The following HAUS1 variants were observed in gnomAD, a reference collection of about 807,000 sequenced individuals.
HAUS1 encodes the protein HAUS augmin like complex subunit 1, also known as HAUS augmin-like complex subunit 1.
HAUS1 carries 25 observed loss-of-function variants against 38.6 expected under a neutral mutation model. That is an observed-to-expected ratio of 0.65 (90% CI 0.47 to 0.91). The LOEUF (loss-of-function observed/expected upper bound fraction) is 0.91, where lower values mean the gene tolerates loss of function less well. Among genes scored for constraint, HAUS1 ranks in the 40% least tolerant of loss-of-function variants. The pLI, the probability that HAUS1 is intolerant of heterozygous loss-of-function variation, is 0.00. For missense variants in HAUS1, 325 were observed against 328.4 expected, an observed-to-expected ratio of 0.99 and a Z score of 0.08; for synonymous variants, 109 against 112.9, an observed-to-expected ratio of 0.97 and a Z score of 0.22.
chr18:46,120,276 C>A (rs1468196346), intron 4 of HAUS1, among the ~76,000 whole-genome samples: 1 of 151,834 alleles, frequency 6.6e-6, no homozygotes, highest in Non-Finnish European at 1.5e-5. Flanking sequence ...ACTCTGTCAC[C>A]CAGGCTGGAG....
intron 2 of HAUS1, among the ~76,000 whole-genome samples, chr18:46,112,939 AAT>A (rs1225989908): frequency 3.8e-5 from 4 of 104,712 alleles, no homozygotes; most frequent in East Asian, 2.3e-4. Flanking sequence ...TATTCCATAT[AAT>A]ATATATAATA....
chr18:46,127,683 G>A (rs1912146294), intron 8 of HAUS1, among the ~76,000 whole-genome samples: 1 of 150,132 alleles, frequency 6.7e-6, no homozygotes, highest in South Asian at 2.1e-4. Flanking sequence ...ACTCCAGCCT[G>A]GGCGACAGAG....
intron 4 of HAUS1, among the ~76,000 whole-genome samples, chr18:46,121,924 C>T (rs1408167921): frequency 1.3e-5 from 2 of 152,156 alleles, no homozygotes; most frequent in Non-Finnish European, 2.9e-5. Flanking sequence ...TCATTGCAAC[C>T]TCTGCCTCCC....
chr18:46,122,507 G>A lies in HAUS1; in HGVS notation c.517G>A (p.Ala173Thr). 6.2e-7 allele frequency: 1 copy of A among 1,613,954 alleles called. No homozygotes were observed. The highest frequency in any genetic ancestry group is 1.1e-5 in the South Asian group (1 of 91,080). ...AGAGTTGCATCTGTCTACAGAAAGG[G>A]CCAAAGTTGATAATCGTCGTCAGAA... is the stretch of plus-strand genomic sequence containing the variant. Reference protein sequence around the residue: ...KAELHLSTERAKVDNRRQNMD... With the variant: ...KAELHLSTERTKVDNRRQNMD... Residue 173 changes from alanine (A) to threonine (T), a missense_variant, in exon 5 of 9, where the codon GCC becomes ACC. Physicochemically the swap from Ala to Thr is moderately conservative, Grantham distance 58 (BLOSUM62 0). Coordinates refer to ENST00000282058, the MANE Select transcript of HAUS1 (RefSeq NM_138443.4).
chr18:46,124,954 A>C, intron 7 of HAUS1, 61 bp downstream of exon 7: 1 of 939,728 alleles, frequency 1.1e-6, no homozygotes, highest in Non-Finnish European at 1.7e-6. Flanking sequence ...AGGGTACTAT[A>C]TGACCATGAA....
At chr18:46,118,148 A>T in intron 2 of HAUS1, 33 bp from the exon 3 acceptor site, 1 of 1,606,294 alleles carries the variant, frequency 6.2e-7, no homozygotes. Context: ...TAAAAAAGCA[A>T]ACAGTCACTA....
chr18:46,107,029 T>A (rs1033229811), intron 2 of HAUS1, among the ~76,000 whole-genome samples: 2 of 151,836 alleles, frequency 1.3e-5, no homozygotes, highest in Non-Finnish European at 2.9e-5. Flanking sequence ...AAAAAAAAAT[T>A]AATTAATTAA....
At chr18:46,118,562 GTTAGTATCACA>G in intron 3 of HAUS1, 1 of 433,642 alleles carries the variant, frequency 2.3e-6, no homozygotes, top group Non-Finnish European at 4.2e-6. Context: ...TTGGAAAGGG[GTTAGTATCACA>G]TTGTTCCCTG....
In HAUS1 at chr18:46,122,523, G is replaced by A. The variant is rs570163326; in HGVS notation, c.533G>A (p.Arg178His). Residue 178 changes from arginine to histidine, a missense_variant, in exon 5 of 9, where the codon CGT becomes CAT. By Grantham distance (29) the Arg-to-His change is conservative. Coordinates refer to ENST00000282058, the MANE Select transcript of HAUS1 (RefSeq NM_138443.4). ...ACAGAAAGGGCCAAAGTTGATAATC[G>A]TCGTCAGAACATGGACTTTCTAAAA... ...LSTERAKVDN[R>H]RQNMDFLKAK... The A allele has an allele frequency of 1.6e-5, 26 of 1,614,050 alleles. No individual in the cohort carries two copies. The highest frequency in any genetic ancestry group is 1.9e-5 in the Non-Finnish European group (23 of 1,179,950).
intron 5 of HAUS1, 53 bp from the exon 6 acceptor site, chr18:46,123,246 T>G: frequency 8.7e-7 from 1 of 1,147,080 alleles, no homozygotes; most frequent in Non-Finnish European, 1.3e-6. Context: ...TATTTGATGG[T>G]GGTCACTTTT....
At chr18:46,108,265 T>C (rs1002483757) in intron 2 of HAUS1, among the ~76,000 whole-genome samples, 2 of 150,300 alleles carry the variant, frequency 1.3e-5, no homozygotes, top group Non-Finnish European at 2.9e-5. Flanking sequence ...TTGAGGGAAT[T>C]TACTTCTTTT....
At chr18:46,104,565 CT>C in intron 1 of HAUS1, 124 bp downstream of exon 1, 1 of 772,760 alleles carries the variant, frequency 1.3e-6, no homozygotes, top group Non-Finnish European at 1.9e-6. Flanking sequence ...ACACATCCGT[CT>C]TTTAGTGCCG....
chr18:46,110,332 GGTTTTT>G (rs1033189906), intron 2 of HAUS1, among the ~76,000 whole-genome samples: 1 of 58,588 alleles, frequency 1.7e-5, no homozygotes, highest in East Asian at 3.8e-4. Flanking sequence ...ATTTTTTTAA[GGTTTTT>G]TTTTTTTTTT....
chr18:46,118,675 T>C (rs1483502742), intron 3 of HAUS1, among the ~76,000 whole-genome samples: 1 of 152,190 alleles, frequency 6.6e-6, no homozygotes, highest in East Asian at 1.9e-4. Flanking sequence ...GTCAGGAATT[T>C]TCATTCTTTT....
intron 1 of HAUS1, 21 bp downstream of exon 1, chr18:46,104,462 A>C (rs1911395861): frequency 1.4e-6 from 2 of 1,462,632 alleles, no homozygotes; most frequent in Non-Finnish European, 1.8e-6. Context: ...GGGAATGGGG[A>C]TCGTTGGCCT....
At chr18:46,124,979 G>A (rs1568267059) in intron 7 of HAUS1, 86 bp downstream of exon 7, 1 of 765,778 alleles carries the variant, frequency 1.3e-6, no homozygotes, top group Non-Finnish European at 2.2e-6. Flanking sequence ...GTGTGTTTAG[G>A]CCAGGCACGG....
chr18:46,109,490 A>G (rs1488857211), intron 2 of HAUS1, among the ~76,000 whole-genome samples: 3 of 152,088 alleles, frequency 2.0e-5, no homozygotes, highest in East Asian at 1.9e-4. Context: ...ACATTGCATT[A>G]TTTTGATCCT....
chr18:46,119,827 T>C (rs1911888233), intron 3 of HAUS1, 99 bp from the exon 4 acceptor site: 1 of 1,024,806 alleles, frequency 9.8e-7, no homozygotes, highest in Non-Finnish European at 1.4e-6. Flanking sequence ...AGCATGGTTA[T>C]ATAAAAATCT....
chr18:46,116,965 C>G (rs568855710), intron 2 of HAUS1, among the ~76,000 whole-genome samples: 1 of 152,286 alleles, frequency 6.6e-6, no homozygotes, highest in Admixed American at 6.5e-5. Context: ...GAGTGAGACC[C>G]TGTCTCAAGA....
Sources: gnomAD v4.1 joint callset for allele counts (sites outside exome capture counted in the v4.1 genomes callset) on GRCh38, gnomAD v4.1.1 for gene constraint, MANE v1.5 for transcripts, NCBI Gene and HGNC (gene_info 2026-07-23, HGNC 2026-07-21) for gene names.